Variants in IFT43 observed in about 807,000 individuals in gnomAD.
IFT43 encodes intraflagellar transport 43.
A neutral mutation model predicts 32.3 loss-of-function variants in IFT43; 33 were observed. The ratio of observed to expected loss-of-function variants is 1.02; its 90% CI spans 0.77 to 1.37. The LOEUF (loss-of-function observed/expected upper bound fraction) is 1.37, where lower values mean the gene tolerates loss of function less well. IFT43 is among the 40% of genes most tolerant of loss of function. The probability of loss-of-function intolerance (pLI) is 0.00; values close to 1 mark genes in which losing one functional copy is unlikely to be tolerated. For missense variants in IFT43, 274 were observed against 265.9 expected (o/e 1.03, Z -0.21); for synonymous variants, 93 against 98.2 (o/e 0.95, Z 0.31).
At chr14:76,031,905 G>C (rs544454278) in intron 3 of IFT43, among the ~76,000 whole-genome samples, 4 of 152,266 alleles carry the variant, frequency 2.6e-5, no homozygotes, top group Admixed American at 1.3e-4. Context: ...TCTCAGGTTT[G>C]ACTATCGTCT....
At chr14:75,987,481 G>C (rs1376503738) in intron 1 of IFT43, among the ~76,000 whole-genome samples, 1 of 152,098 alleles carries the variant, frequency 6.6e-6, no homozygotes, top group East Asian at 1.9e-4. Flanking sequence ...AAGCACCCAG[G>C]AAACCCAGGA....
At chr14:75,998,570 G>A (rs544238841) in intron 2 of IFT43, among the ~76,000 whole-genome samples, 8 of 152,320 alleles carry the variant, frequency 5.3e-5, no homozygotes, top group Admixed American at 1.3e-4. Context: ...GAGAAACCAA[G>A]CACCTATGGT....
At chr14:76,006,085 CA>C (rs925734230) in intron 2 of IFT43, among the ~76,000 whole-genome samples, 1 of 151,972 alleles carries the variant, frequency 6.6e-6, no homozygotes, top group African/African-American at 2.4e-5. Context: ...GCTATCGAGA[CA>C]GAAAGTGTTC....
intron 3 of IFT43, 61 bp from the exon 4 acceptor site, chr14:76,058,581 C>T: frequency 6.2e-7 from 1 of 1,603,618 alleles, no homozygotes; most frequent in South Asian, 1.1e-5. Flanking sequence ...CCTCAAGATA[C>T]TACCTGGTGC....
At chr14:76,028,153 T>C (rs889174900) in intron 3 of IFT43, among the ~76,000 whole-genome samples, 1 of 152,146 alleles carries the variant, frequency 6.6e-6, no homozygotes, top group African/African-American at 2.4e-5. Flanking sequence ...ATTACAAAGT[T>C]TTATCACTTG....
chr14:75,986,246 C>T (rs2035524799), intron 1 of IFT43: 1 of 1,290,470 alleles, frequency 7.7e-7, no homozygotes, highest in African/African-American at 1.5e-5. Context: ...CGCAGAAGTT[C>T]CTGCAAAAGC....
chr14:76,056,351 G>C (rs761540912), intron 3 of IFT43, among the ~76,000 whole-genome samples: 8 of 152,364 alleles, frequency 5.3e-5, no homozygotes, highest in Middle Eastern at 3.4e-3. Context: ...GGAGAGGGGA[G>C]AGTCCTTGGG....
At chr14:76,025,910 C>T (rs1394097949) in intron 3 of IFT43, among the ~76,000 whole-genome samples, 1 of 152,132 alleles carries the variant, frequency 6.6e-6, no homozygotes, top group Non-Finnish European at 1.5e-5. Flanking sequence ...ATGATGAAGA[C>T]ACCAAAAGCA....
In IFT43 at chr14:76,043,568, G is replaced by A. The variant is rs180987028; in HGVS notation, c.216-15074G>A. 1.9e-3 allele frequency among the ~76,000 whole-genome samples: 282 copies of A among 152,138 alleles called. 3 individuals are homozygous for A. The South Asian group carries it at 0.024, about 13-fold the overall frequency. On this transcript the variant is annotated intron_variant, in intron 3 of 8. Coordinates refer to ENST00000314067, the MANE Select transcript of IFT43 (RefSeq NM_001102564.3). The stretch of plus-strand genomic sequence containing the variant: ...TGCAGCCACTGCCTCCCGCACTTCT[G>A]AATGCCTTTTTGACATGGGACAACC...
At chr14:76,057,010 A>G (rs150879432) in intron 3 of IFT43, among the ~76,000 whole-genome samples, 3 of 152,168 alleles carry the variant, frequency 2.0e-5, no homozygotes, top group African/African-American at 7.2e-5. Flanking sequence ...TTCATTGCTG[A>G]GTCTCCTTTA....
At chr14:76,035,474 T>C (rs1449328577) in intron 3 of IFT43, among the ~76,000 whole-genome samples, 2 of 152,184 alleles carry the variant, frequency 1.3e-5, no homozygotes, top group Non-Finnish European at 1.5e-5. Context: ...TCTTTTTTAA[T>C]GGCATTGATG....
At chr14:76,036,349 T>G (rs2036597279) in intron 3 of IFT43, among the ~76,000 whole-genome samples, 1 of 151,304 alleles carries the variant, frequency 6.6e-6, no homozygotes, top group Non-Finnish European at 1.5e-5. Context: ...CCTTCCTTCC[T>G]TTTTTTTGTT....
At chr14:76,056,373 G>A (rs2037015732) in intron 3 of IFT43, among the ~76,000 whole-genome samples, 1 of 152,236 alleles carries the variant, frequency 6.6e-6, no homozygotes, top group African/African-American at 2.4e-5. Context: ...TCCCCCTAGA[G>A]TGAGAGAGCA....
At chr14:76,062,861 G>C (rs1229971582) in intron 5 of IFT43, among the ~76,000 whole-genome samples, 1 of 140,812 alleles carries the variant, frequency 7.1e-6, no homozygotes, top group Non-Finnish European at 1.5e-5. Flanking sequence ...AGGTTGCAGT[G>C]AGGCGGAGTT....
intron 5 of IFT43, among the ~76,000 whole-genome samples, chr14:76,075,329 T>C (rs3813549): frequency 0.35 from 52,998 of 152,070 alleles, 9,348 homozygotes; most frequent in African/African-American, 0.4. Context: ...GCAGACCTGC[T>C]AGAGACCTGA....
chr14:76,083,695 C>A lies in IFT43; in HGVS notation c.*118C>A. ...TGTAATAAAAATATTTATATTCAGT[C>A]AACCACATTGGATAATTCAATTGCA... On this transcript the variant is annotated 3_prime_UTR_variant, in exon 9 of 9. Transcript: ENST00000314067. 1.1e-6 allele frequency: 1 copy of A among 947,616 alleles called. No homozygotes were observed. The highest frequency in any genetic ancestry group is 1.6e-6 in the Non-Finnish European group (1 of 611,718). The allele number at this position is 947,616 out of a possible 1,614,324, so 58.7% of individuals were successfully genotyped here. A position where few individuals can be genotyped will look rare whatever the true frequency, so the allele number is the denominator to read the frequency against.
chr14:76,024,007 A>G (rs1219776124), intron 3 of IFT43, among the ~76,000 whole-genome samples: 1 of 152,188 alleles, frequency 6.6e-6, no homozygotes, highest in African/African-American at 2.4e-5. Flanking sequence ...TTTTCTGCTT[A>G]TCACTAGAGA....
intron 2 of IFT43, among the ~76,000 whole-genome samples, chr14:75,990,536 G>A (rs915340385): frequency 6.6e-6 from 1 of 152,194 alleles, no homozygotes; most frequent in African/African-American, 2.4e-5. Context: ...GCCTGCAATT[G>A]TTATTGCGCA....
chr14:76,004,586 T>C (rs2035948060), intron 2 of IFT43, among the ~76,000 whole-genome samples: 1 of 152,238 alleles, frequency 6.6e-6, no homozygotes, highest in South Asian at 2.1e-4. Context: ...ATTTAGAAAG[T>C]CTTAGGCGAT....
Sources: allele counts gnomAD v4.1 joint callset (sites outside exome capture counted in the v4.1 genomes callset), GRCh38; gene constraint gnomAD v4.1.1; transcripts MANE v1.5; gene names NCBI Gene and HGNC (gene_info 2026-07-23, HGNC 2026-07-21).